Variants in ANK3 observed in about 807,000 individuals in gnomAD.
The protein encoded by ANK3 is ankyrin-3.
ANK3 carries 57 observed loss-of-function variants against 370.9 expected under a neutral mutation model. The ratio of observed to expected loss-of-function variants is 0.15; its 90% CI spans 0.12 to 0.19. ANK3 has a LOEUF of 0.19. ANK3 is among the 10% of genes least tolerant of loss of function. The pLI is 1.00. For missense variants in ANK3, 4,439 were observed against 5,302.1 expected (o/e 0.84, Z 5.06); for synonymous variants, 1,929 against 1,946.3 (o/e 0.99, Z 0.23).
intron 2 of ANK3, chr10:60,572,783 A>T: frequency 8.0e-7 from 1 of 1,249,452 alleles, no homozygotes; most frequent in East Asian, 3.3e-5. Context: ...TCTAAAGAAA[A>T]TCAATATTTT....
At position 60,200,243 on chromosome 10, in the gene ANK3, C is replaced by G; in HGVS notation, c.1393-16G>C. The G allele has an allele frequency of 6.3e-7, 1 of 1,599,474 alleles. No homozygotes were observed. Among genetic ancestry groups the G allele is most frequent in the Admixed American group, 1.7e-5 (1 of 59,970 alleles). ...TTTCTCCTCTCTGGGGAACATGAGC[C>G]AAAGTAAATTAGCTGCAGCTCTGAA... On this transcript the variant is annotated splice_polypyrimidine_tract_variant and intron_variant, in intron 12 of 43. Transcript: ENST00000280772.
At chr10:60,124,555 G>A (rs2093660032) in intron 25 of ANK3, among the ~76,000 whole-genome samples, 1 of 152,118 alleles carries the variant, frequency 6.6e-6, no homozygotes, top group Admixed American at 6.6e-5. Context: ...AGATATTTAG[G>A]ATAGCATATC....
At chr10:60,621,523 T>C in intron 1 of ANK3, among the ~76,000 whole-genome samples, 1 of 152,174 alleles carries the variant, frequency 6.6e-6, no homozygotes, top group East Asian at 1.9e-4. Flanking sequence ...CACATCAACA[T>C]TCCAGACTCT....
chr10:60,392,951 A>C (rs1336803889), upstream of ANK3, among the ~76,000 whole-genome samples: 5 of 151,968 alleles, frequency 3.3e-5, no homozygotes, highest in Non-Finnish European at 5.9e-5. Context: ...TCCCTCCCCC[A>C]AAAAAGAAAA....
chr10:60,031,430 T>C (rs1471833469), intron 43 of ANK3, among the ~76,000 whole-genome samples: 1 of 152,248 alleles, frequency 6.6e-6, no homozygotes, highest in Admixed American at 6.5e-5. Flanking sequence ...TGTGCTATTG[T>C]GGTATGAATT....
At chr10:60,664,922 T>G (rs888324203) in intron 1 of ANK3, among the ~76,000 whole-genome samples, 11 of 152,242 alleles carry the variant, frequency 7.2e-5, no homozygotes, top group African/African-American at 2.7e-4. Flanking sequence ...ATATGCAATT[T>G]AGTTTAAAAA....
chr10:60,697,288 TGG>T (rs2079473374), intron 1 of ANK3, among the ~76,000 whole-genome samples: 1 of 151,718 alleles, frequency 6.6e-6, no homozygotes, highest in Non-Finnish European at 1.5e-5. Context: ...TCCATGCTCA[TGG>T]GTAGGAAAAA....
chr10:60,584,925 T>A (rs898743961), intron 2 of ANK3, among the ~76,000 whole-genome samples: 1 of 152,186 alleles, frequency 6.6e-6, no homozygotes, highest in African/African-American at 2.4e-5. Flanking sequence ...GTAGATGTAC[T>A]GCCTCAAGGT....
chr10:60,536,600 T>C (rs2076730403), intron 2 of ANK3, among the ~76,000 whole-genome samples: 1 of 152,052 alleles, frequency 6.6e-6, no homozygotes, highest in Non-Finnish European at 1.5e-5. Context: ...AGTTCATATA[T>C]GATTCCTTTT....
chr10:60,170,312 T>C (rs1353920414), intron 21 of ANK3, among the ~76,000 whole-genome samples: 1 of 152,218 alleles, frequency 6.6e-6, no homozygotes, highest in Non-Finnish European at 1.5e-5. Context: ...ATAGAGTCAA[T>C]GGCTGCTGGA....
At chr10:60,363,096 C>CG (rs1172843377) in intron 1 of ANK3, among the ~76,000 whole-genome samples, 53 of 14,954 alleles carry the variant, frequency 3.5e-3, no homozygotes, top group Non-Finnish European at 6.8e-3. Flanking sequence ...GGGAGGGGGG[C>CG]GGGGGGCGCA....
chr10:60,424,941 A>T (rs2063850555), intron 2 of ANK3, among the ~76,000 whole-genome samples: 1 of 152,070 alleles, frequency 6.6e-6, no homozygotes, highest in Non-Finnish European at 1.5e-5. Flanking sequence ...ATGACCCCTA[A>T]AGAGGGGCCT....
chr10:60,692,608 C>T (rs370685931), intron 1 of ANK3, among the ~76,000 whole-genome samples: 14 of 152,232 alleles, frequency 9.2e-5, no homozygotes, highest in East Asian at 1.9e-4. Flanking sequence ...TTCTAGGGTG[C>T]GTGGCCTCAG....
intron 2 of ANK3, among the ~76,000 whole-genome samples, chr10:60,430,992 A>T (rs574012476): frequency 6.6e-6 from 1 of 152,312 alleles, no homozygotes; most frequent in Admixed American, 6.5e-5. Flanking sequence ...CCTTTTTGGC[A>T]CCAGGAACTG....
chr10:60,694,942 C>T (rs1246418345), intron 1 of ANK3, among the ~76,000 whole-genome samples: 3 of 148,586 alleles, frequency 2.0e-5, no homozygotes, highest in South Asian at 2.2e-4. Context: ...AATTAAAAGA[C>T]ACAGACTGGC....
At chr10:60,453,496 G>A (rs2064664042) in intron 2 of ANK3, among the ~76,000 whole-genome samples, 1 of 152,176 alleles carries the variant, frequency 6.6e-6, no homozygotes, top group Admixed American at 6.5e-5. Flanking sequence ...GTGCATGTGT[G>A]TGACTACAAA....
intron 2 of ANK3, among the ~76,000 whole-genome samples, chr10:60,486,792 T>C (rs2075360520): frequency 7.0e-6 from 1 of 143,554 alleles, no homozygotes; most frequent in African/African-American, 2.6e-5. Context: ...ACTGAACTGC[T>C]CTTACTGATA....
chr10:60,390,753 CACACACACACACAA>C (rs1480211441), upstream of ANK3, among the ~76,000 whole-genome samples: 59 of 93,078 alleles, frequency 6.3e-4, no homozygotes, highest in South Asian at 0.018. Flanking sequence ...CACACACACA[CACACACACACACAA>C]ACAACAATTT....
At chr10:60,661,518 G>A (rs553160487) in intron 1 of ANK3, among the ~76,000 whole-genome samples, 1 of 152,064 alleles carries the variant, frequency 6.6e-6, no homozygotes, top group East Asian at 1.9e-4. Flanking sequence ...AAACTTCATT[G>A]TTTTTACCTG....
Sources: gnomAD v4.1 joint callset for allele counts (sites outside exome capture counted in the v4.1 genomes callset) on GRCh38, gnomAD v4.1.1 for gene constraint, MANE v1.5 for transcripts, NCBI Gene and HGNC (gene_info 2026-07-23, HGNC 2026-07-21) for gene names.